TADA3: variants seen among roughly 807,000 people sequenced by gnomAD.
TADA3 encodes the protein transcriptional adaptor 3.
A neutral mutation model predicts 43.2 loss-of-function variants in TADA3; 25 were observed. The ratio of observed to expected loss-of-function variants is 0.58; its 90% CI spans 0.42 to 0.81. The LOEUF is 0.81. TADA3 is among the 30% of genes least tolerant of loss of function. The pLI, the probability that TADA3 is intolerant of heterozygous loss-of-function variation, is 0.00. For synonymous variants in TADA3, 235 were observed against 225.5 expected, an observed-to-expected ratio of 1.04 and a Z score of -0.38; for missense variants, 441 against 567.8, an observed-to-expected ratio of 0.78 and a Z score of 2.27.
chr3:9,791,395 G>C lies in TADA3; in HGVS notation c.72C>G (p.Pro24=). ...FKSVDHLKVC[P]RYTAVLARSE... ...AGCGTGCCAGCACTGCCGTGTAGCG[G>C]GGACAGACCTTCAGGTGATCCACAG... The change falls in exon 2 of 9, where the codon CCC becomes CCG. Residue 24 remains proline, a synonymous_variant. Coordinates refer to ENST00000301964, the MANE Select transcript of TADA3 (RefSeq NM_006354.5). 6.2e-7 allele frequency: 1 copy of C among 1,614,178 alleles called. No individual in the cohort carries two copies. The highest frequency in any genetic ancestry group is 8.5e-7 in the Non-Finnish European group (1 of 1,180,004).
Position 9,785,419 on chromosome 3 carries a change from T to C in TADA3, c.817A>G (p.Ile273Val). The C allele has an allele frequency of 6.2e-7, 1 of 1,611,920 alleles. No individual in the cohort carries two copies. Among genetic ancestry groups the C allele is most frequent in the Non-Finnish European group, 8.5e-7 (1 of 1,178,250 alleles). ...GGAGAATCCTCCATAGGGGAAATAA[T>C]ATTTTCCTAGAAGACCACAAAAATG... ...RLLQALVEEN[I>V]ISPMEDSPIP... Residue 273 changes from isoleucine (I) to valine (V), a missense_variant, in exon 7 of 9, where the codon ATT (isoleucine) becomes GTT (valine). By Grantham distance (29) the Ile-to-Val change is conservative. Transcript: ENST00000301964.
chr3:9,792,987 C>T, upstream of TADA3: 1 of 1,461,570 alleles, frequency 6.8e-7, no homozygotes. Context: ...TAAGGGCTCT[C>T]TACCCCGCTC....
At chr3:9,781,210 T>G (rs887393024) in intron 8 of TADA3, among the ~76,000 whole-genome samples, 1 of 151,764 alleles carries the variant, frequency 6.6e-6, no homozygotes, top group South Asian at 2.1e-4. Context: ...CTTTGGGAGA[T>G]GGAGGCAGGA....
At position 9,787,199 on chromosome 3, in the gene TADA3, C is replaced by A. The variant is rs984407164; in HGVS notation, c.706G>T (p.Asp236Tyr). ...MGPLTELDTK[D>Y]VDALLKKSEA... ...GTTGGCAGGGAGGTGAGAGGCCTAC[C>A]TTTAGTGTCCAGTTCGGTCAGTGGC... is the stretch of plus-strand genomic sequence containing the variant. The change falls in exon 5 of 9, where the codon GAT becomes TAT. Residue 236 changes from aspartate to tyrosine, a missense_variant and splice_region_variant. Transcript: ENST00000301964. 1 of 1,614,166 alleles carries A rather than the reference C, an allele frequency of 6.2e-7. No individual in the cohort carries two copies. Among genetic ancestry groups the A allele is most frequent in the Admixed American group, 1.7e-5 (1 of 60,022 alleles).
intron 1 of TADA3, among the ~76,000 whole-genome samples, chr3:9,791,963 C>T (rs2078747119): frequency 6.6e-6 from 1 of 152,158 alleles, no homozygotes; most frequent in Non-Finnish European, 1.5e-5. Flanking sequence ...GACTCTTGGC[C>T]TCTTTTCTTA....
intron 6 of TADA3, among the ~76,000 whole-genome samples, chr3:9,786,312 G>A (rs9855611): frequency 0.017 from 2,639 of 152,234 alleles, 82 homozygotes; most frequent in African/African-American, 0.061. Flanking sequence ...CAAGGCCACC[G>A]TCAGCTGGGG....
intron 6 of TADA3, 145 bp from the exon 7 acceptor site, chr3:9,785,570 A>C: frequency 1.7e-6 from 1 of 582,554 alleles, no homozygotes; most frequent in Non-Finnish European, 3.1e-6. Flanking sequence ...TCCCATACCA[A>C]TCCCAAATTG....
upstream of TADA3, chr3:9,792,863 A>G: frequency 7.3e-7 from 1 of 1,376,042 alleles, no homozygotes; most frequent in South Asian, 1.7e-5. Context: ...GGCCGAAGGC[A>G]CAAAGGGAAG....
In TADA3 at chr3:9,791,225, C is replaced by T. The variant is rs577018263; in HGVS notation, c.207+35G>A. 3.1e-6 allele frequency: 5 copies of T among 1,587,352 alleles called. No homozygotes were observed. The South Asian group carries it at 5.7e-5, about 18-fold the overall frequency. On this transcript the variant is annotated intron_variant, in intron 2 of 8. Transcript: ENST00000301964. ...ACCCATCCCATAACTTGTTGCAGTC[C>T]ATCTCTGGTGCTGGCCCCTCTCTGG...
At position 9,789,981 on chromosome 3, in the gene TADA3, T is replaced by C; in HGVS notation, c.208-18A>G. 6.4e-7 allele frequency: 1 copy of C among 1,572,954 alleles called. No individual in the cohort carries two copies. Among genetic ancestry groups the C allele is most frequent in the East Asian group, 2.2e-5 (1 of 44,462 alleles). On this transcript the variant is annotated intron_variant, in intron 2 of 8. Coordinates refer to ENST00000301964, the MANE Select transcript of TADA3 (RefSeq NM_006354.5). The stretch of plus-strand genomic sequence containing the variant: ...GTGAGGATCTGAAATTTACAGAAAG[T>C]GTCACTGAGGGGGAGAAGGGAAAAC...
At chr3:9,784,878 G>A (rs1430043757) in intron 7 of TADA3, among the ~76,000 whole-genome samples, 2 of 149,210 alleles carry the variant, frequency 1.3e-5, no homozygotes, top group Non-Finnish European at 1.5e-5. Context: ...AAAAAAAAAA[G>A]AAAAAGAAAA....
chr3:9,792,769 C>T, upstream of TADA3: 1 of 1,247,092 alleles, frequency 8.0e-7, no homozygotes, highest in Non-Finnish European at 1.0e-6. Flanking sequence ...TCGTCCGCTT[C>T]GGCTTGTCCT....
At chr3:9,792,967 C>T, upstream of TADA3, 1 of 1,419,404 alleles carries the variant, frequency 7.0e-7, no homozygotes, top group Non-Finnish European at 9.2e-7. Flanking sequence ...CCGGAAGGCC[C>T]AAGCGTTCGT....
rs369437851 is a variant in TADA3 at position 9,791,347 on chromosome 3, G to A, written c.120C>T (p.Ile40=). 821 of 1,614,202 alleles carry A rather than the reference G, an allele frequency of 5.1e-4. 6 individuals are homozygous for A. The South Asian group carries it at 5.9e-3, about 12-fold the overall frequency. ...CCAGCTGCAGGGTGTCCAGCTCCTC[G>A]ATGCCGATGCCATCATCCTCAGAGC... The part of the protein sequence containing the change: ...LARSEDDGIG[I]EELDTLQLEL... Residue 40 remains isoleucine (I), a synonymous_variant, in exon 2 of 9, where the codon ATC becomes ATT. Transcript: ENST00000301964.
chr3:9,781,509 T>A (rs2078464192), intron 8 of TADA3: 2 of 456,314 alleles, frequency 4.4e-6, no homozygotes, highest in Non-Finnish European at 8.8e-6. Flanking sequence ...CACTGTTGTT[T>A]CAGGTGTTCC....
chr3:9,788,512 T>G (rs1212106292), intron 4 of TADA3, among the ~76,000 whole-genome samples: 2 of 151,594 alleles, frequency 1.3e-5, no homozygotes, highest in Non-Finnish European at 2.9e-5. Context: ...CCCAAAGGGC[T>G]GGGATTACAG....
chr3:9,783,955 C>T (rs1056467750), intron 8 of TADA3, 73 bp downstream of exon 8: 2 of 1,503,844 alleles, frequency 1.3e-6, no homozygotes, highest in African/African-American at 1.4e-5. Context: ...GTTGTAAAAC[C>T]CCTGAAAGGT....
intron 4 of TADA3, chr3:9,788,005 G>C (rs556714263): frequency 1.3e-4 from 39 of 303,934 alleles, no homozygotes; most frequent in African/African-American, 7.2e-4. Context: ...GCAATGAAGA[G>C]GGATATGGCC....
At chr3:9,792,728 T>TG (rs1410332851), upstream of TADA3, 8 of 1,235,856 alleles carry the variant, frequency 6.5e-6, no homozygotes, top group East Asian at 3.2e-5. Flanking sequence ...AGAGAAAGGA[T>TG]GGGGGTACAG....
Sources: allele counts gnomAD v4.1 joint callset (sites outside exome capture counted in the v4.1 genomes callset), GRCh38; gene constraint gnomAD v4.1.1; transcripts MANE v1.5; gene names NCBI Gene and HGNC (gene_info 2026-07-23, HGNC 2026-07-21).